Variants in CYP7B1 observed in about 807,000 individuals in gnomAD.
CYP7B1 encodes cytochrome P450 7B1.
A neutral mutation model predicts 42.7 loss-of-function variants in CYP7B1; 29 were observed. The ratio of observed to expected loss-of-function variants is 0.68; its 90% CI spans 0.51 to 0.93. CYP7B1 has a LOEUF of 0.93. Among genes scored for constraint, CYP7B1 ranks in the 40% least tolerant of loss-of-function variants. CYP7B1 has a pLI of 0.00. For missense variants in CYP7B1, 655 were observed against 600.5 expected, an observed-to-expected ratio of 1.09 and a Z score of -0.95; for synonymous variants, 235 against 218.2, an observed-to-expected ratio of 1.08 and a Z score of -0.68.
In CYP7B1 at chr8:64,778,174, A is replaced by AATATATATATATATATAT. The variant is rs60859854; in HGVS notation, c.122+20274_122+20291dup. Among the ~76,000 whole-genome samples the AATATATATATATATATAT allele has an allele frequency of 6.4e-3, 855 of 133,072 alleles. 2 individuals carry two copies. The highest frequency in any genetic ancestry group is 8.0e-3 in the Non-Finnish European group (497 of 62,338). 87.3% of individuals were successfully genotyped at this position (133,072 alleles called of 152,430 possible). On this transcript the variant is annotated intron_variant, in intron 1 of 5. Transcript: ENST00000310193. ...AGCAAAAAGGGTAGAACTAGTTTGA[A>AATATATATATATATATAT]ATATATATATATATATATATATATA... is the stretch of plus-strand genomic sequence containing the variant.
intron 1 of CYP7B1, among the ~76,000 whole-genome samples, chr8:64,637,142 C>T (rs943814515): frequency 4.1e-4 from 62 of 152,096 alleles, no homozygotes; most frequent in Admixed American, 2.6e-4. Flanking sequence ...TAACAAATGA[C>T]GTTTTATCAA....
chr8:64,670,887 C>T (rs975488847), intron 1 of CYP7B1, among the ~76,000 whole-genome samples: 3 of 151,794 alleles, frequency 2.0e-5, no homozygotes, highest in African/African-American at 7.3e-5. Context: ...TTTTTAAACC[C>T]TGGTGTTAGT....
chr8:64,703,410 G>GC (rs1182860973), intron 1 of CYP7B1, among the ~76,000 whole-genome samples: 1 of 151,844 alleles, frequency 6.6e-6, no homozygotes, highest in Non-Finnish European at 1.5e-5. Context: ...GCTCTTACAT[G>GC]CTTGGTTTTT....
At chr8:64,607,833 A>G (rs1378013044) in intron 4 of CYP7B1, among the ~76,000 whole-genome samples, 1 of 152,274 alleles carries the variant, frequency 6.6e-6, no homozygotes, top group Admixed American at 6.5e-5. Flanking sequence ...ACTAACATTT[A>G]GCAGGTAATA....
chr8:64,771,300 T>C (rs1004297456), intron 1 of CYP7B1, among the ~76,000 whole-genome samples: 4 of 151,786 alleles, frequency 2.6e-5, no homozygotes, highest in Non-Finnish European at 4.4e-5. Context: ...GACCTCATGA[T>C]CCGCCCGCCT....
intron 1 of CYP7B1, among the ~76,000 whole-genome samples, chr8:64,684,848 A>G (rs1806595625): frequency 6.6e-6 from 1 of 152,252 alleles, no homozygotes; most frequent in Non-Finnish European, 1.5e-5. Flanking sequence ...ATCATTAGAC[A>G]TTTGGGAAAG....
At chr8:64,654,056 C>G (rs1199228177) in intron 1 of CYP7B1, among the ~76,000 whole-genome samples, 3 of 152,190 alleles carry the variant, frequency 2.0e-5, no homozygotes. Context: ...CAACCTACAG[C>G]CAACATCATA....
chr8:64,745,891 C>T lies in CYP7B1; in HGVS notation c.122+52575G>A, dbSNP rs138907952. On this transcript the variant is annotated intron_variant, in intron 1 of 5. Coordinates refer to ENST00000310193, the MANE Select transcript of CYP7B1 (RefSeq NM_004820.5). ...CAATGGGCTGGTTCATCATCTAAAGCGTCCCTTTGCAAACAGCTGCCTCTG... is the reference window on the plus strand; with the variant it reads ...CAATGGGCTGGTTCATCATCTAAAGTGTCCCTTTGCAAACAGCTGCCTCTG... Among the ~76,000 whole-genome samples the T allele has an allele frequency of 3.9e-5, 6 of 152,244 alleles. No homozygotes were observed. In the East Asian group the frequency reaches 7.7e-4, roughly 20 times the overall value.
chr8:64,710,309 C>T (rs561268289), intron 1 of CYP7B1, among the ~76,000 whole-genome samples: 2 of 152,304 alleles, frequency 1.3e-5, no homozygotes, highest in East Asian at 3.9e-4. Context: ...CATCCCTGAT[C>T]CAGTTAGACT....
At chr8:64,790,076 T>C (rs1055732892) in intron 1 of CYP7B1, among the ~76,000 whole-genome samples, 9 of 152,154 alleles carry the variant, frequency 5.9e-5, no homozygotes, top group African/African-American at 2.2e-4. Context: ...TGACAGTTAC[T>C]AGATAGATGT....
chr8:64,774,409 G>T (rs752693844), intron 1 of CYP7B1, among the ~76,000 whole-genome samples: 2 of 152,126 alleles, frequency 1.3e-5, no homozygotes, highest in African/African-American at 2.4e-5. Context: ...GGATATTGGG[G>T]TATCAACAGT....
In CYP7B1 at chr8:64,721,766, AAC is replaced by A. The variant is rs1807239729; in HGVS notation, c.122+76698_122+76699del. The stretch of plus-strand genomic sequence containing the variant: ...ATCTATGAAAACATTTGCAGTAAAT[AAC>A]ACTATATCTTTATGATAGATAGCAA... On this transcript the variant is annotated intron_variant, in intron 1 of 5. Transcript: ENST00000310193. Among the ~76,000 whole-genome samples the A allele has an allele frequency of 3.3e-5, 5 of 152,304 alleles. No homozygotes were observed. The South Asian group carries it at 1.0e-3, about 32-fold the overall frequency.
chr8:64,658,710 A>T (rs1806158041), intron 1 of CYP7B1, among the ~76,000 whole-genome samples: 1 of 152,190 alleles, frequency 6.6e-6, no homozygotes. Flanking sequence ...GTCCGCCTTC[A>T]CTAAGCTCCT....
At chr8:64,708,282 A>T (rs1179519061) in intron 1 of CYP7B1, among the ~76,000 whole-genome samples, 3 of 152,140 alleles carry the variant, frequency 2.0e-5, no homozygotes, top group Non-Finnish European at 4.4e-5. Flanking sequence ...TGGAAGTTCA[A>T]TGACATCCCC....
intron 1 of CYP7B1, among the ~76,000 whole-genome samples, chr8:64,673,123 T>A (rs916481245): frequency 6.6e-6 from 1 of 152,142 alleles, no homozygotes; most frequent in African/African-American, 2.4e-5. Context: ...AGTTTCTCCA[T>A]CTTTTGTGGG....
At chr8:64,651,028 T>G (rs559101948) in intron 1 of CYP7B1, among the ~76,000 whole-genome samples, 9 of 152,292 alleles carry the variant, frequency 5.9e-5, no homozygotes, top group African/African-American at 2.2e-4. Context: ...AAAAGTGTGT[T>G]TGAGGTGGGG....
chr8:64,791,883 G>C (rs1804624097), intron 1 of CYP7B1, among the ~76,000 whole-genome samples: 1 of 152,204 alleles, frequency 6.6e-6, no homozygotes, highest in South Asian at 2.1e-4. Context: ...CTATTTACTG[G>C]AACAAATGGT....
chr8:64,760,324 C>T (rs1429560754), intron 1 of CYP7B1, among the ~76,000 whole-genome samples: 2 of 151,848 alleles, frequency 1.3e-5, no homozygotes, highest in Non-Finnish European at 2.9e-5. Flanking sequence ...GTTATGACAC[C>T]AAAAGCATAG....
At chr8:64,730,751 G>GCGCACACACACACACACACA (rs1554536382) in intron 1 of CYP7B1, among the ~76,000 whole-genome samples, 6 of 142,972 alleles carry the variant, frequency 4.2e-5, no homozygotes, top group Middle Eastern at 3.5e-3. Flanking sequence ...AGGACTGTCT[G>GCGCACACACACACACACACA]CACACACACA....
Sources: allele counts gnomAD v4.1 joint callset (sites outside exome capture counted in the v4.1 genomes callset), GRCh38; gene constraint gnomAD v4.1.1; transcripts MANE v1.5; gene names NCBI Gene and HGNC (gene_info 2026-07-23, HGNC 2026-07-21).